NRG1: variants seen among roughly 807,000 people sequenced by gnomAD.
NRG1 encodes the protein pro-neuregulin-1, membrane-bound isoform.
A neutral mutation model predicts 63.8 loss-of-function variants in NRG1; 18 were observed. The observed-to-expected ratio is 0.28, with a 90% CI of 0.19 to 0.42. The LOEUF (loss-of-function observed/expected upper bound fraction) is 0.42. Among genes scored for constraint, NRG1 ranks in the 10% least tolerant of loss-of-function variants. The pLI is 1.00. For synonymous variants in NRG1, 302 were observed against 301.3 expected (o/e 1.00, Z -0.02); for missense variants, 762 against 814.7 (o/e 0.94, Z 0.79).
At chr8:32,332,408 C>T (rs796496386) in intron 1 of NRG1, among the ~76,000 whole-genome samples, 5 of 152,228 alleles carry the variant, frequency 3.3e-5, no homozygotes, top group African/African-American at 1.2e-4. Context: ...GGGAAGTTTC[C>T]CTGACCCCCT....
intron 1 of NRG1, among the ~76,000 whole-genome samples, chr8:31,845,247 G>A (rs1232708402): frequency 1.3e-5 from 2 of 152,028 alleles, no homozygotes; most frequent in African/African-American, 4.8e-5. Context: ...TAAATTATTG[G>A]TATGTCAGAT....
At chr8:31,859,476 G>T (rs1490404378) in intron 1 of NRG1, among the ~76,000 whole-genome samples, 1 of 152,122 alleles carries the variant, frequency 6.6e-6, no homozygotes, top group Non-Finnish European at 1.5e-5. Flanking sequence ...ATCGTCCCCT[G>T]AGAGTATACC....
intron 1 of NRG1, among the ~76,000 whole-genome samples, chr8:32,363,511 T>C (rs999525463): frequency 6.6e-6 from 1 of 152,182 alleles, no homozygotes; most frequent in Non-Finnish European, 1.5e-5. Context: ...TTTTCATAGA[T>C]GGATGGGTTT....
intron 1 of NRG1, among the ~76,000 whole-genome samples, chr8:32,446,327 G>A (rs953110187): frequency 3.3e-5 from 5 of 152,056 alleles, no homozygotes; most frequent in Non-Finnish European, 7.4e-5. Context: ...ATTCAGAAGG[G>A]GCATCTTCTG....
intron 5 of NRG1, among the ~76,000 whole-genome samples, chr8:32,635,410 T>C (rs1244922185): frequency 2.6e-5 from 4 of 152,236 alleles, no homozygotes; most frequent in Non-Finnish European, 4.4e-5. Flanking sequence ...CCTGAGGTTT[T>C]CCATTTTGTA....
chr8:32,518,225 G>T (rs1830020206), intron 1 of NRG1, among the ~76,000 whole-genome samples: 1 of 152,112 alleles, frequency 6.6e-6, no homozygotes, highest in African/African-American at 2.4e-5. Context: ...TACAGAGGCA[G>T]AGTGAAATTA....
intron 1 of NRG1, among the ~76,000 whole-genome samples, chr8:32,397,771 A>G (rs772680361): frequency 7.2e-5 from 11 of 152,190 alleles, no homozygotes; most frequent in Non-Finnish European, 1.5e-4. Flanking sequence ...CCTCAGTGAT[A>G]CCCAGTCTAT....
intron 1 of NRG1, among the ~76,000 whole-genome samples, chr8:32,421,016 A>G (rs572282401): frequency 6.6e-6 from 1 of 152,286 alleles, no homozygotes; most frequent in African/African-American, 2.4e-5. Context: ...GCCTTCTGCC[A>G]TGATTGCAAG....
intron 1 of NRG1, among the ~76,000 whole-genome samples, chr8:31,642,735 G>C (rs958674352): frequency 2.0e-5 from 3 of 152,134 alleles, no homozygotes; most frequent in African/African-American, 7.2e-5. Flanking sequence ...CAAAGTTACT[G>C]CCCTGGATTT....
intron 1 of NRG1, among the ~76,000 whole-genome samples, chr8:31,872,610 A>G (rs1829585444): frequency 6.6e-6 from 1 of 152,312 alleles, no homozygotes; most frequent in South Asian, 2.1e-4. Flanking sequence ...CATAAATCAT[A>G]TTTTATGTGC....
chr8:32,257,585 T>C (rs1361047937), intron 1 of NRG1, among the ~76,000 whole-genome samples: 1 of 152,198 alleles, frequency 6.6e-6, no homozygotes, highest in African/African-American at 2.4e-5. Context: ...AAAAATAAAT[T>C]TGGAAACTTG....
chr8:32,144,180 C>T (rs1056704448), intron 1 of NRG1, among the ~76,000 whole-genome samples: 1 of 152,146 alleles, frequency 6.6e-6, no homozygotes, highest in African/African-American at 2.4e-5. Flanking sequence ...TGCAAGCCGA[C>T]CATGATCTGC....
chr8:32,352,806 A>G (rs549399401), intron 1 of NRG1, among the ~76,000 whole-genome samples: 1 of 152,074 alleles, frequency 6.6e-6, no homozygotes, highest in African/African-American at 2.4e-5. Flanking sequence ...TGAGCACAGG[A>G]GTTTGCAACT....
At chr8:31,679,214 T>C (rs1808063839) in intron 1 of NRG1, among the ~76,000 whole-genome samples, 1 of 152,140 alleles carries the variant, frequency 6.6e-6, no homozygotes, top group Non-Finnish European at 1.5e-5. Flanking sequence ...TTTTTGCTGC[T>C]ACATTTGTTT....
chr8:31,860,749 T>G (rs897107284), intron 1 of NRG1, among the ~76,000 whole-genome samples: 1 of 152,150 alleles, frequency 6.6e-6, no homozygotes, highest in African/African-American at 2.4e-5. Flanking sequence ...AAAAGCCAGA[T>G]TTATATATTT....
intron 1 of NRG1, among the ~76,000 whole-genome samples, chr8:31,944,916 A>G (rs1802310174): frequency 6.6e-6 from 1 of 152,162 alleles, no homozygotes; most frequent in African/African-American, 2.4e-5. Flanking sequence ...GCATTTCCCA[A>G]TGTGTCAAGT....
At chr8:31,724,220 ACTCT>A (rs1389919458) in intron 1 of NRG1, among the ~76,000 whole-genome samples, 1 of 152,048 alleles carries the variant, frequency 6.6e-6, no homozygotes, top group Non-Finnish European at 1.5e-5. Context: ...AAGACATGAA[ACTCT>A]CTCCTTGACT....
intron 1 of NRG1, among the ~76,000 whole-genome samples, chr8:31,806,007 A>G (rs553762350): frequency 3.9e-4 from 60 of 152,244 alleles, no homozygotes; most frequent in African/African-American, 1.3e-3. Context: ...GCCAACATTG[A>G]CTTTTAATAA....
chr8:32,676,937 ATAT>A (rs1411963096), intron 5 of NRG1, among the ~76,000 whole-genome samples: 1 of 152,272 alleles, frequency 6.6e-6, no homozygotes, highest in East Asian at 1.9e-4. Flanking sequence ...ATATTAAGTA[ATAT>A]TATTTAAATT....
Sources: allele counts gnomAD v4.1 joint callset (sites outside exome capture counted in the v4.1 genomes callset), GRCh38; gene constraint gnomAD v4.1.1; transcripts MANE v1.5; gene names NCBI Gene and HGNC (gene_info 2026-07-23, HGNC 2026-07-21).